Variants in ARHGEF11 observed in about 807,000 individuals in gnomAD.
ARHGEF11 encodes Rho guanine nucleotide exchange factor 11, also known as Rho guanine exchange factor (GEF) 11.
A neutral mutation model predicts 193.7 loss-of-function variants in ARHGEF11; 55 were observed. That is an observed-to-expected ratio of 0.28 (90% CI 0.23 to 0.36). ARHGEF11 has a LOEUF of 0.36. ARHGEF11 is among the 10% of genes least tolerant of loss of function. The probability of loss-of-function intolerance (pLI) is 1.00; values close to 1 mark genes in which losing one functional copy is unlikely to be tolerated. For synonymous variants in ARHGEF11, 693 were observed against 768.0 expected, an observed-to-expected ratio of 0.90 and a Z score of 1.62; for missense variants, 1,723 against 2,005.6, an observed-to-expected ratio of 0.86 and a Z score of 2.69.
At chr1:156,966,088 T>G (rs891309653) in intron 11 of ARHGEF11, among the ~76,000 whole-genome samples, 6 of 152,238 alleles carry the variant, frequency 3.9e-5, no homozygotes, top group Admixed American at 2.6e-4. Flanking sequence ...CTTGGAACCC[T>G]GAACTCCAAG....
Position 156,937,366 on chromosome 1 carries a change from C to T in ARHGEF11, c.4323G>A (p.Gln1441=). The T allele has an allele frequency of 6.2e-7, 1 of 1,611,364 alleles. No individual in the cohort carries two copies. The highest frequency in any genetic ancestry group is 8.5e-7 in the Non-Finnish European group (1 of 1,178,736). The change falls in exon 39 of 41, where the codon CAG becomes CAA. Residue 1441 remains glutamine, a synonymous_variant. Coordinates refer to ENST00000368194, the MANE Select transcript of ARHGEF11 (RefSeq NM_198236.3). ...AGQTEPQPQL[Q]GGNDDPRRPS... is the part of the protein sequence containing the mutation. Reference sequence around the variant, plus strand: ...GGCGTCTTGGATCATCGTTGCCTCCCTGCAGCTGAGGCTGAGGCTCTGTCT... The same window carrying T: ...GGCGTCTTGGATCATCGTTGCCTCCTTGCAGCTGAGGCTGAGGCTCTGTCT...
rs1437871293 is a variant in ARHGEF11 at position 156,937,290 on chromosome 1, G to A, written c.4399C>T (p.His1467Tyr). ...TTGAGAGTGAGCTGCTCAATGGTAT[G>A]GAAGATCATGCCCACGTCCCTGAGG... is the stretch of plus-strand genomic sequence containing the variant. ...LALRDVGMIF[H>Y]TIEQLTLKLN... is the part of the protein sequence containing the mutation. Residue 1467 changes from histidine to tyrosine, a missense_variant, in exon 39 of 41, where the codon CAT becomes TAT. His to Tyr is a moderately conservative substitution (Grantham distance 83, BLOSUM62 2). Around this residue, in one of 5 missense-constraint regions of ARHGEF11, gnomAD observed 360 missense variants for 344.4 expected, o/e 1.05. Coordinates refer to ENST00000368194, the MANE Select transcript of ARHGEF11 (RefSeq NM_198236.3). 40 of 1,613,788 alleles carry A rather than the reference G, an allele frequency of 2.5e-5. No homozygotes were observed. The highest frequency in any genetic ancestry group is 3.2e-5 in the Non-Finnish European group (38 of 1,179,870).
intron 1 of ARHGEF11, among the ~76,000 whole-genome samples, chr1:157,010,915 G>A (rs1668467117): frequency 6.6e-6 from 1 of 152,164 alleles, no homozygotes; most frequent in Non-Finnish European, 1.5e-5. Flanking sequence ...GAAGATTTAA[G>A]ATAGTTAAGA....
At chr1:157,025,690 G>A (rs1021350366) in intron 1 of ARHGEF11, among the ~76,000 whole-genome samples, 2 of 152,200 alleles carry the variant, frequency 1.3e-5, no homozygotes, top group Admixed American at 1.3e-4. Context: ...CTACCAGGGA[G>A]GGAAGGCACT....
chr1:156,950,422 G>A (rs1467188640), intron 22 of ARHGEF11, among the ~76,000 whole-genome samples: 1 of 151,906 alleles, frequency 6.6e-6, no homozygotes, highest in African/African-American at 2.4e-5. Flanking sequence ...AGATTGCTGT[G>A]GTTGGGAGTT....
Position 156,945,203 on chromosome 1 carries a change from A to G in ARHGEF11, c.2813-6T>C, listed in dbSNP as rs746383681. On this transcript the variant is annotated splice_polypyrimidine_tract_variant and splice_region_variant and intron_variant, in intron 29 of 40. Transcript: ENST00000368194. ...CTCATGCTCAGAGGTGCCACCTACC[A>G]AAATGGACAGAAGAGATGGTTGGGG... is the stretch of plus-strand genomic sequence containing the variant. 1.2e-6 allele frequency: 2 copies of G among 1,612,882 alleles called. No individual in the cohort carries two copies. Among genetic ancestry groups the G allele is most frequent in the Non-Finnish European group, 8.5e-7 (1 of 1,179,346 alleles).
rs546539624 is a variant in ARHGEF11 at position 156,951,434 on chromosome 1, G to A, written c.1925+139C>T. On this transcript the variant is annotated intron_variant, in intron 22 of 40. Coordinates refer to ENST00000368194, the MANE Select transcript of ARHGEF11 (RefSeq NM_198236.3). ...CACAATGTGTCTCCTGAAGATACTG[G>A]GGGTGGGGAGGAAGTTCTGTAAAGG... is the stretch of plus-strand genomic sequence containing the variant. The A allele has an allele frequency of 3.0e-5, 34 of 1,135,824 alleles. No individual in the cohort carries two copies. The East Asian group carries it at 7.8e-4, about 26-fold the overall frequency. The allele number at this position is 1,135,824 out of a possible 1,614,324, so 70.4% of individuals were successfully genotyped here.
At chr1:156,950,972 C>A (rs1309822542) in intron 22 of ARHGEF11, among the ~76,000 whole-genome samples, 1 of 152,218 alleles carries the variant, frequency 6.6e-6, no homozygotes, top group Non-Finnish European at 1.5e-5. Context: ...TAGAACCTGA[C>A]CAAAGAAGAA....
At chr1:157,000,425 T>A (rs547667645) in intron 1 of ARHGEF11, among the ~76,000 whole-genome samples, 6 of 152,356 alleles carry the variant, frequency 3.9e-5, no homozygotes, top group Middle Eastern at 3.4e-3. Flanking sequence ...ACGGAGTTGT[T>A]ACTTGAGTCG....
intron 1 of ARHGEF11, among the ~76,000 whole-genome samples, chr1:157,043,693 G>A (rs1326159634): frequency 6.6e-6 from 1 of 152,212 alleles, no homozygotes; most frequent in Non-Finnish European, 1.5e-5. Flanking sequence ...TAAGCTTGGA[G>A]GAGAGGAAAT....
At position 157,035,844 on chromosome 1, in the gene ARHGEF11, T is replaced by TA. The variant is rs1211536568; in HGVS notation, c.32+8454_32+8455insT. Reference sequence around the variant, plus strand: ...GGAATATATATATGGAATATATATATGTATATATTTAGGAATATATATAGG... The same window carrying TA: ...GGAATATATATATGGAATATATATATAGTATATATTTAGGAATATATATAGG... On this transcript the variant is annotated intron_variant, in intron 1 of 40. Coordinates refer to ENST00000368194, the MANE Select transcript of ARHGEF11 (RefSeq NM_198236.3). 1.6e-3 allele frequency among the ~76,000 whole-genome samples: 198 copies of TA among 126,588 alleles called. 12 individuals are homozygous for TA. The highest frequency in any genetic ancestry group is 4.9e-3 in the South Asian group (18 of 3,704). 83.0% of individuals were successfully genotyped at this position (126,588 alleles called of 152,430 possible). A position where few individuals can be genotyped will look rare whatever the true frequency, so the allele number is the denominator to read the frequency against.
intron 1 of ARHGEF11, among the ~76,000 whole-genome samples, chr1:156,999,182 T>C (rs1158892897): frequency 6.6e-6 from 1 of 152,212 alleles, no homozygotes; most frequent in Non-Finnish European, 1.5e-5. Flanking sequence ...AATAAACATG[T>C]GTTACAGGCA....
intron 9 of ARHGEF11, 124 bp from the exon 10 acceptor site, chr1:156,969,482 C>A: frequency 1.2e-6 from 1 of 849,314 alleles, no homozygotes; most frequent in Non-Finnish European, 1.9e-6. Context: ...TCACCAGTTT[C>A]CCTTCAGCTC....
chr1:157,022,271 G>C (rs1006072566), intron 1 of ARHGEF11, among the ~76,000 whole-genome samples: 3 of 152,148 alleles, frequency 2.0e-5, no homozygotes, highest in Non-Finnish European at 2.9e-5. Flanking sequence ...ATCTTGCATA[G>C]AGAAAATATA....
chr1:156,946,080 G>A lies in ARHGEF11; in HGVS notation c.2777C>T (p.Pro926Leu), dbSNP rs1401866125. The A allele has an allele frequency of 3.1e-6, 5 of 1,613,636 alleles. No homozygotes were observed. The highest frequency in any genetic ancestry group is 1.7e-5 in the Admixed American group (1 of 60,018). ...ISEMQRLTKY[P>L]LLLESIIKHT... The stretch of plus-strand genomic sequence containing the variant: ...CTTGATGATGCTCTCCAGCAGCAGC[G>A]GGTACTTGGTGAGCCGCTGCATCTC... The change falls in exon 29 of 41, where the codon CCG (proline) becomes CTG (leucine). Residue 926 changes from proline (P) to leucine (L), a missense_variant. Physicochemically the swap from Pro to Leu is moderately conservative, Grantham distance 98. Around this residue, in one of 5 missense-constraint regions of ARHGEF11, gnomAD observed 491 missense variants for 654.5 expected, o/e 0.75. Coordinates refer to ENST00000368194, the MANE Select transcript of ARHGEF11 (RefSeq NM_198236.3).
At position 157,028,263 on chromosome 1, in the gene ARHGEF11, A is replaced by G. The variant is rs183751416; in HGVS notation, c.32+16036T>C. ...AGCTGGCTTGTTAATTGGAGACTAT[A>G]AGACATGAAGTAATGATATAATAAT... On this transcript the variant is annotated intron_variant, in intron 1 of 40. Transcript: ENST00000368194. 7.9e-5 allele frequency among the ~76,000 whole-genome samples: 12 copies of G among 152,374 alleles called. No individual in the cohort carries two copies. In the East Asian group the frequency reaches 2.3e-3, roughly 29 times the overall value.
intron 18 of ARHGEF11, among the ~76,000 whole-genome samples, 154 bp downstream of exon 18, chr1:156,957,638 A>G (rs1414454094): frequency 6.6e-6 from 1 of 152,250 alleles, no homozygotes. Flanking sequence ...ATGGTCATAC[A>G]GACACCTGAG....
intron 1 of ARHGEF11, among the ~76,000 whole-genome samples, chr1:157,035,759 A>AAT (rs146909035): frequency 0.13 from 16,485 of 123,950 alleles, 2,377 homozygotes; most frequent in East Asian, 0.38. Flanking sequence ...GCTATGTGGG[A>AAT]ATATATATAT....
chr1:156,936,491 A>AAT (rs1287321269), intron 40 of ARHGEF11, among the ~76,000 whole-genome samples: 16 of 71,380 alleles, frequency 2.2e-4, no homozygotes, highest in African/African-American at 9.7e-4. Context: ...AAAAAAAAAA[A>AAT]AAAAAAATAT....
Sources: gnomAD v4.1 joint callset for allele counts (sites outside exome capture counted in the v4.1 genomes callset) on GRCh38, gnomAD v4.1.1 for gene constraint, gnomAD v4.1.1 regional missense constraint, MANE v1.5 for transcripts, NCBI Gene and HGNC (gene_info 2026-07-23, HGNC 2026-07-21) for gene names.